SMAD4: variants seen among roughly 807,000 people sequenced by gnomAD.
SMAD4 encodes the protein MAD homolog 4.
SMAD4 carries 7 observed loss-of-function variants against 63.2 expected under a neutral mutation model. That is an observed-to-expected ratio of 0.11 (90% CI 0.06 to 0.21). The LOEUF is 0.21. SMAD4 is among the 10% of genes least tolerant of loss of function. SMAD4 has a pLI of 1.00. For synonymous variants in SMAD4, 215 were observed against 235.4 expected (o/e 0.91, Z 0.79); for missense variants, 312 against 693.8 (o/e 0.45, Z 6.18).
intron 1 of SMAD4, among the ~76,000 whole-genome samples, chr18:51,038,026 C>T (rs1004254630): frequency 2.0e-5 from 3 of 152,108 alleles, no homozygotes; most frequent in Admixed American, 6.6e-5. Context: ...CGATGATGCA[C>T]ACCCATATTT....
chr18:51,073,910 T>C (rs953340052), intron 10 of SMAD4, among the ~76,000 whole-genome samples: 3 of 152,086 alleles, frequency 2.0e-5, no homozygotes, highest in South Asian at 2.1e-4. Flanking sequence ...CCTGACTTCA[T>C]TGAAATGAAA....
chr18:51,058,772 G>A (rs1417138583), intron 7 of SMAD4, among the ~76,000 whole-genome samples: 2 of 151,888 alleles, frequency 1.3e-5, no homozygotes, highest in African/African-American at 2.4e-5. Context: ...GTATATCCAC[G>A]CATAATGGAT....
rs969671560 is a variant in SMAD4 at position 51,046,438 on chromosome 18, T to G, written c.-127-482T>G. On this transcript the variant is annotated intron_variant, in intron 1 of 11. Transcript: ENST00000342988. ...CCTTTTGTTCATTTCTAAATTGGGG[T>G]TTTTTTTTTTTTTTAATTGGTCTCT... is the stretch of plus-strand genomic sequence containing the variant. Among the ~76,000 whole-genome samples the G allele has an allele frequency of 4.3e-4, 23 of 53,720 alleles. No individual in the cohort carries two copies. The South Asian group carries it at 6.4e-3, about 15-fold the overall frequency. The allele number at this position is 53,720 out of a possible 152,430, so 35.2% of individuals were successfully genotyped here. A position where few individuals can be genotyped will look rare whatever the true frequency, so the allele number is the denominator to read the frequency against.
chr18:51,030,776 T>C (rs1250085616), intron 1 of SMAD4, among the ~76,000 whole-genome samples, 153 bp downstream of exon 1: 1 of 150,914 alleles, frequency 6.6e-6, no homozygotes, highest in Non-Finnish European at 1.5e-5. Flanking sequence ...CGCGGCGGCC[T>C]GACGAGCCGG....
At chr18:51,047,624 TC>T (rs1179579658) in intron 2 of SMAD4, among the ~76,000 whole-genome samples, 1 of 151,838 alleles carries the variant, frequency 6.6e-6, no homozygotes, top group Non-Finnish European at 1.5e-5. Context: ...TTTTTTTTTT[TC>T]CTAGACGGAG....
At chr18:51,041,066 T>C (rs760555314) in intron 1 of SMAD4, among the ~76,000 whole-genome samples, 4 of 152,078 alleles carry the variant, frequency 2.6e-5, no homozygotes, top group Non-Finnish European at 5.9e-5. Context: ...CCCCCTCCCC[T>C]CCTTGGCCCA....
chr18:51,083,427 T>C lies in SMAD4; in HGVS notation c.*4960T>C. 5 of 229,406 alleles carry C rather than the reference T, an allele frequency of 2.2e-5. No homozygotes were observed. Among genetic ancestry groups the C allele is most frequent in the Non-Finnish European group, 3.5e-5 (4 of 115,722 alleles). 14.2% of individuals were successfully genotyped at this position (229,406 alleles called of 1,614,324 possible). ...CAGGGATTTTAACATCAGACTGGAA[T>C]GAATGAATGAAACTTTTTGTCCTTT... On this transcript the variant is annotated 3_prime_UTR_variant, in exon 12 of 12. Transcript: ENST00000342988.
At chr18:51,052,059 G>A (rs1435544709) in intron 4 of SMAD4, among the ~76,000 whole-genome samples, 23 of 151,866 alleles carry the variant, frequency 1.5e-4, no homozygotes, top group African/African-American at 5.3e-4. Flanking sequence ...CGATCCACCC[G>A]TCTCAGCCTC....
intron 1 of SMAD4, among the ~76,000 whole-genome samples, chr18:51,044,625 T>C (rs1423619789): frequency 2.6e-5 from 4 of 152,180 alleles, no homozygotes; most frequent in Non-Finnish European, 5.9e-5. Context: ...ACTCCTGGGC[T>C]CAAGCGATCC....
In SMAD4 at chr18:51,082,729, T is replaced by G. The variant is rs371901376; in HGVS notation, c.*4262T>G. ...CTGAGACAGCTATGGTTTTGAATTT[T>G]TAGTTTTTTTTTTTTAACCCACTTC... On this transcript the variant is annotated 3_prime_UTR_variant, in exon 12 of 12. Coordinates refer to ENST00000342988, the MANE Select transcript of SMAD4 (RefSeq NM_005359.6). 2.7e-4 allele frequency: 62 copies of G among 231,708 alleles called. No homozygotes were observed. The highest frequency in any genetic ancestry group is 1.3e-3 in the Middle Eastern group (1 of 778). 14.4% of individuals were successfully genotyped at this position (231,708 alleles called of 1,614,324 possible).
At chr18:51,043,352 A>G (rs982285576) in intron 1 of SMAD4, among the ~76,000 whole-genome samples, 4 of 152,192 alleles carry the variant, frequency 2.6e-5, no homozygotes, top group African/African-American at 4.8e-5. Context: ...AATTACCACA[A>G]TAAATTTGTG....
In SMAD4 at chr18:51,047,099, G is replaced by C. The variant is rs2144400567; in HGVS notation, c.53G>C (p.Ser18Thr). 1 of 1,613,708 alleles carries C rather than the reference G, an allele frequency of 6.2e-7. No individual in the cohort carries two copies. Among genetic ancestry groups the C allele is most frequent in the South Asian group, 1.1e-5 (1 of 91,068 alleles). ...CCAACAAGTAATGATGCCTGTCTGA[G>C]CATTGTGCATAGTTTGATGTGCCAT... ...NTPTSNDACLSIVHSLMCHRQ... is the reference protein window; with the variant it reads ...NTPTSNDACLTIVHSLMCHRQ... Residue 18 changes from serine to threonine, a missense_variant, in exon 2 of 12, where the codon AGC (serine) becomes ACC (threonine). Ser to Thr is a moderately conservative substitution (Grantham distance 58). Transcript: ENST00000342988.
At chr18:51,047,410 C>T in intron 2 of SMAD4, 115 bp downstream of exon 2, 1 of 878,004 alleles carries the variant, frequency 1.1e-6, no homozygotes, top group Non-Finnish European at 1.9e-6. Flanking sequence ...TCTTCAGATA[C>T]TGTGCATCCT....
At chr18:51,050,638 G>A (rs1909681874) in intron 4 of SMAD4, among the ~76,000 whole-genome samples, 1 of 148,058 alleles carries the variant, frequency 6.8e-6, no homozygotes, top group Admixed American at 6.7e-5. Flanking sequence ...CAGCCTGGTT[G>A]ACAAAGCGAG....
chr18:51,064,381 T>C lies in SMAD4; in HGVS notation c.956-1042T>C, dbSNP rs143136444. On this transcript the variant is annotated intron_variant, in intron 8 of 11. Coordinates refer to ENST00000342988, the MANE Select transcript of SMAD4 (RefSeq NM_005359.6). ...TGTTCCATACCCTGTTTTATTTTCT[T>C]CACAGTGTTCATTGTTATCTGAGTT... Among the ~76,000 whole-genome samples, 514 of 152,356 alleles carry C rather than the reference T, an allele frequency of 3.4e-3. 6 individuals are homozygous for C. The East Asian group carries it at 0.043, about 13-fold the overall frequency.
At chr18:51,033,476 C>T (rs912935710) in intron 1 of SMAD4, among the ~76,000 whole-genome samples, 12 of 152,224 alleles carry the variant, frequency 7.9e-5, no homozygotes, top group African/African-American at 2.9e-4. Flanking sequence ...AGGCGTGAGC[C>T]ACTGCGCCTG....
At chr18:51,070,291 T>C (rs138439540) in intron 10 of SMAD4, among the ~76,000 whole-genome samples, 1 of 151,694 alleles carries the variant, frequency 6.6e-6, no homozygotes, top group African/African-American at 2.4e-5. Context: ...TTGTGACTTA[T>C]TTATATTTTG....
At position 51,079,722 on chromosome 18, in the gene SMAD4, C is replaced by A; in HGVS notation, c.*1255C>A. The stretch of plus-strand genomic sequence containing the variant: ...AGATGTATTGACTGTACCACAGACA[C>A]AATATGTATGCTTTTTACCTAGCTG... On this transcript the variant is annotated 3_prime_UTR_variant, in exon 12 of 12. Coordinates refer to ENST00000342988, the MANE Select transcript of SMAD4 (RefSeq NM_005359.6). The A allele has an allele frequency of 4.3e-6, 1 of 233,324 alleles. No homozygotes were observed. The highest frequency in any genetic ancestry group is 6.1e-5 in the East Asian group (1 of 16,456). 14.5% of individuals were successfully genotyped at this position (233,324 alleles called of 1,614,324 possible).
intron 5 of SMAD4, among the ~76,000 whole-genome samples, chr18:51,057,173 T>A (rs758600728): frequency 5.9e-5 from 9 of 152,210 alleles, no homozygotes; most frequent in Non-Finnish European, 1.0e-4. Flanking sequence ...TGAGCAATGG[T>A]GACATGTTAC....
Sources: allele counts gnomAD v4.1 joint callset (sites outside exome capture counted in the v4.1 genomes callset), GRCh38; gene constraint gnomAD v4.1.1; transcripts MANE v1.5; gene names NCBI Gene and HGNC (gene_info 2026-07-23, HGNC 2026-07-21).